PCDHA1: variants seen among roughly 807,000 people sequenced by gnomAD.
The protein encoded by PCDHA1 is protocadherin alpha 1, also known as protocadherin alpha-1.
Under a neutral mutation model 61.3 loss-of-function variants are expected in PCDHA1, and 42 were observed. The ratio of observed to expected loss-of-function variants is 0.69; its 90% CI spans 0.54 to 0.89. The LOEUF (loss-of-function observed/expected upper bound fraction) is 0.89, where lower values mean the gene tolerates loss of function less well. PCDHA1 is among the 40% of genes least tolerant of loss of function. PCDHA1 has a pLI of 0.00. For synonymous variants in PCDHA1, 610 were observed against 553.8 expected (o/e 1.10, Z -1.43); for missense variants, 1,256 against 1,235.3 (o/e 1.02, Z -0.25).
intron 1 of PCDHA1, among the ~76,000 whole-genome samples, chr5:140,953,847 A>G (rs1165540937): frequency 6.6e-6 from 1 of 152,200 alleles, no homozygotes. Flanking sequence ...CCAGGTAAAC[A>G]TGTGCCATGG....
At position 140,877,744 on chromosome 5, in the gene PCDHA1, G is replaced by T. The variant is rs200651425; in HGVS notation, c.2394+89060G>T. ...TTACTCGCAGCAGAGGAGGCAGAGG[G>T]TGTGCTCTGCAGAGAGCCCGCCCAA... On this transcript the variant is annotated intron_variant, in intron 1 of 3. Coordinates refer to ENST00000504120, the MANE Select transcript of PCDHA1 (RefSeq NM_018900.4). The T allele has an allele frequency of 3.3e-3, 5,393 of 1,614,198 alleles. 26 individuals carry two copies. Among genetic ancestry groups the T allele is most frequent in the South Asian group, 0.011 (995 of 91,084 alleles).
Position 140,852,810 on chromosome 5 carries a change from C to T in PCDHA1, c.2394+64126C>T, listed in dbSNP as rs2150522687. On this transcript the variant is annotated intron_variant, in intron 1 of 3. Transcript: ENST00000504120. The stretch of plus-strand genomic sequence containing the variant: ...GATGCTACAGATGTCATTTGTCTCC[C>T]GCCCTAAGTCCTCCAGTCTCCTTAG... 3.4e-5 allele frequency: 33 copies of T among 973,688 alleles called. 1 individual carries two copies. The highest frequency in any genetic ancestry group is 1.4e-4 in the South Asian group (3 of 20,896). The allele number at this position is 973,688 out of a possible 1,614,324, so 60.3% of individuals were successfully genotyped here. A position where few individuals can be genotyped will look rare whatever the true frequency, so the allele number is the denominator to read the frequency against.
intron 1 of PCDHA1, chr5:140,927,555 C>G: frequency 6.2e-7 from 1 of 1,614,176 alleles, no homozygotes. Context: ...AAGTCACCAT[C>G]ATTGTGGTGG....
In PCDHA1 at chr5:140,853,855, T is replaced by C. The variant is rs1179807632; in HGVS notation, c.2394+65171T>C. On this transcript the variant is annotated intron_variant, in intron 1 of 3. Transcript: ENST00000504120. The stretch of plus-strand genomic sequence containing the variant: ...GAAATTTTAGATCCATAGCCCTATT[T>C]GATACTTGACAGTGCAAGTTTCTGT... 3.0e-6 allele frequency: 3 copies of C among 985,756 alleles called. No homozygotes were observed. In the African/African-American group the frequency reaches 5.3e-5, roughly 17 times the overall value. 61.1% of individuals were successfully genotyped at this position (985,756 alleles called of 1,614,324 possible). A position where few individuals can be genotyped will look rare whatever the true frequency, so the allele number is the denominator to read the frequency against.
At chr5:140,982,022 G>T (rs2096962811) in intron 2 of PCDHA1, among the ~76,000 whole-genome samples, 1 of 152,168 alleles carries the variant, frequency 6.6e-6, no homozygotes, top group African/African-American at 2.4e-5. Context: ...AGCCAAATTG[G>T]AACAATACTC....
At position 140,843,462 on chromosome 5, in the gene PCDHA1, C is replaced by A. The variant is rs557665140; in HGVS notation, c.2394+54778C>A. The A allele has an allele frequency of 3.1e-6, 5 of 1,595,930 alleles. 1 individual carries two copies. In the African/African-American group the frequency reaches 5.4e-5, roughly 17 times the overall value. On this transcript the variant is annotated intron_variant, in intron 1 of 3. Coordinates refer to ENST00000504120, the MANE Select transcript of PCDHA1 (RefSeq NM_018900.4). ...GCGGTATCCAGCCTGCTGGTGCTCACGCTGCTGCTGTACACTGCGCTGCGG... is the reference window on the plus strand; with the variant it reads ...GCGGTATCCAGCCTGCTGGTGCTCAAGCTGCTGCTGTACACTGCGCTGCGG...
At chr5:140,876,099 T>C (rs782428764) in intron 1 of PCDHA1, 7 of 1,613,954 alleles carry the variant, frequency 4.3e-6, no homozygotes, top group Middle Eastern at 1.6e-4. Context: ...CAAAACTCAA[T>C]TTATTGCTGA....
intron 1 of PCDHA1, chr5:140,822,291 TC>T (rs2150115255): frequency 2.5e-6 from 4 of 1,614,198 alleles, no homozygotes; most frequent in Non-Finnish European, 3.4e-6. Context: ...ACAGGTTAAA[TC>T]CAAACGAATA....
intron 2 of PCDHA1, among the ~76,000 whole-genome samples, chr5:140,980,367 C>A (rs1245361324): frequency 2.6e-5 from 4 of 152,174 alleles, no homozygotes; most frequent in Non-Finnish European, 5.9e-5. Flanking sequence ...CGCGGTGGCT[C>A]ACACCTGTAA....
At chr5:140,830,655 T>C in intron 1 of PCDHA1, 2 of 431,072 alleles carry the variant, frequency 4.6e-6, no homozygotes, top group Non-Finnish European at 7.5e-6. Flanking sequence ...TTAATATTCA[T>C]AATTTAAGTG....
chr5:140,889,978 A>C (rs1326390288), intron 1 of PCDHA1, among the ~76,000 whole-genome samples: 1 of 152,202 alleles, frequency 6.6e-6, no homozygotes, highest in Non-Finnish European at 1.5e-5. Flanking sequence ...TCCAGTCTCC[A>C]GTTGTCTTAG....
chr5:140,929,245 A>G, intron 1 of PCDHA1: 1 of 1,613,774 alleles, frequency 6.2e-7, no homozygotes. Flanking sequence ...AAATCTTGCC[A>G]CTGGGGTAGG....
chr5:140,898,547 A>C (rs1337213913), intron 1 of PCDHA1, among the ~76,000 whole-genome samples: 3 of 152,078 alleles, frequency 2.0e-5, no homozygotes, highest in Non-Finnish European at 4.4e-5. Flanking sequence ...CCATTTATCT[A>C]TGTCTCTGTT....
Position 140,788,575 on chromosome 5 carries a change from A to C in PCDHA1, c.2285A>C (p.Glu762Ala), listed in dbSNP as rs782310486. 32 of 1,614,066 alleles carry C rather than the reference A, an allele frequency of 2.0e-5. No homozygotes were observed. Among genetic ancestry groups the C allele is most frequent in the Non-Finnish European group, 2.5e-5 (30 of 1,180,028 alleles). Residue 762 changes from glutamate (E) to alanine (A), a missense_variant, in exon 1 of 4, where the codon GAG (glutamate) becomes GCG (alanine). By Grantham distance (107) the Glu-to-Ala change is moderately radical. Coordinates refer to ENST00000504120, the MANE Select transcript of PCDHA1 (RefSeq NM_018900.4). ...QQRRQRVCSSEGPPKTDLMAF... is the reference protein window; with the variant it reads ...QQRRQRVCSSAGPPKTDLMAF... ...AGGCGGCAGAGGGTGTGCTCTAGCG[A>C]GGGCCCACCCAAGACCGACCTCATG... is the stretch of plus-strand genomic sequence containing the variant.
rs782662494 is a variant in PCDHA1 at position 140,786,740 on chromosome 5, G to T, written c.450G>T (p.Ser150=). ...TTCCTGAATCTAGACTCCTGAATTC[G>T]CGTTTTCCGATAGAAGGAGCTGCTG... ...IFIPESRLLN[S]RFPIEGAADA... is the part of the protein sequence containing the mutation. The change falls in exon 1 of 4, where the codon TCG becomes TCT. Residue 150 remains serine, a synonymous_variant. Coordinates refer to ENST00000504120, the MANE Select transcript of PCDHA1 (RefSeq NM_018900.4). 1 of 1,614,196 alleles carries T rather than the reference G, an allele frequency of 6.2e-7. No homozygotes were observed.
chr5:140,828,699 A>G, intron 1 of PCDHA1: 1 of 1,614,250 alleles, frequency 6.2e-7, no homozygotes, highest in Non-Finnish European at 8.5e-7. Flanking sequence ...TTGGACAGAG[A>G]GGAAGCTCCT....
intron 1 of PCDHA1, among the ~76,000 whole-genome samples, chr5:140,975,638 C>T (rs1256768090): frequency 6.6e-6 from 1 of 152,130 alleles, no homozygotes; most frequent in Non-Finnish European, 1.5e-5. Context: ...ACGAAGATAG[C>T]ATATTATTTC....
In PCDHA1 at chr5:140,858,494, C is replaced by T. The variant is rs1451749220; in HGVS notation, c.2394+69810C>T. 40 of 1,482,664 alleles carry T rather than the reference C, an allele frequency of 2.7e-5. 3 individuals carry two copies. In the Middle Eastern group the frequency reaches 5.1e-4, roughly 19 times the overall value. 91.8% of individuals were successfully genotyped at this position (1,482,664 alleles called of 1,614,324 possible). A position where few individuals can be genotyped will look rare whatever the true frequency, so the allele number is the denominator to read the frequency against. On this transcript the variant is annotated intron_variant, in intron 1 of 3. Transcript: ENST00000504120. Reference sequence around the variant, plus strand: ...CTTTATGAATAATATTTTCTCTTACCGCATTTTCTCAAATATGTATCAGAA... The same window carrying T: ...CTTTATGAATAATATTTTCTCTTACTGCATTTTCTCAAATATGTATCAGAA...
At chr5:140,856,807 T>C in intron 1 of PCDHA1, 1 of 1,594,936 alleles carries the variant, frequency 6.3e-7, no homozygotes, top group Non-Finnish European at 8.6e-7. Context: ...TGTATGAAAA[T>C]CAAGTGAACC....
Sources: allele counts gnomAD v4.1 joint callset (sites outside exome capture counted in the v4.1 genomes callset), GRCh38; gene constraint gnomAD v4.1.1; transcripts MANE v1.5; gene names NCBI Gene and HGNC (gene_info 2026-07-23, HGNC 2026-07-21).